USP4: variants seen among roughly 807,000 people sequenced by gnomAD.
The protein encoded by USP4 is ubiquitin carboxyl-terminal hydrolase 4.
A neutral mutation model predicts 118.2 loss-of-function variants in USP4; 72 were observed. The observed-to-expected ratio is 0.61, with a 90% CI of 0.50 to 0.74. The LOEUF is 0.74. Ranked by LOEUF, USP4 falls within the 30% of genes least tolerant of loss-of-function variation. The pLI is 0.00. For synonymous variants in USP4, 415 were observed against 440.4 expected (o/e 0.94, Z 0.72); for missense variants, 1,037 against 1,185.7 (o/e 0.87, Z 1.84).
intron 13 of USP4, among the ~76,000 whole-genome samples, chr3:49,296,565 C>G (rs1309943395): frequency 6.6e-6 from 1 of 152,128 alleles, no homozygotes; most frequent in Non-Finnish European, 1.5e-5. Context: ...AGAAAAATGG[C>G]ATGAACCCGG....
intron 6 of USP4, among the ~76,000 whole-genome samples, chr3:49,314,447 C>G (rs1252699614): frequency 6.6e-6 from 1 of 152,164 alleles, no homozygotes. Context: ...TCACCACAGC[C>G]AAGGGTACTC....
intron 2 of USP4, 94 bp downstream of exon 2, chr3:49,335,375 C>T (rs1025029910): frequency 9.0e-6 from 14 of 1,551,518 alleles, no homozygotes; most frequent in Middle Eastern, 1.7e-4. Flanking sequence ...TCTCCTCACA[C>T]TAGGAAAGTT....
Position 49,302,486 on chromosome 3 carries a change from C to T in USP4, c.1185G>A (p.Gln395=). The change falls in exon 10 of 22, where the codon CAG becomes CAA. Residue 395 remains glutamine, a synonymous_variant. Transcript: ENST00000265560. Reference sequence around the variant, plus strand: ...CATCTAGAAGAAAGGCCAGCAGCTCCTGAGAATCTTGTTGCTGGTAGCCAG... The same window carrying T: ...CATCTAGAAGAAAGGCCAGCAGCTCTTGAGAATCTTGTTGCTGGTAGCCAG... ...QFSGYQQQDS[Q]ELLAFLLDGL... is the part of the protein sequence containing the mutation. 6.2e-7 allele frequency: 1 copy of T among 1,614,164 alleles called. No individual in the cohort carries two copies. Among genetic ancestry groups the T allele is most frequent in the Non-Finnish European group, 8.5e-7 (1 of 1,180,022 alleles).
intron 10 of USP4, among the ~76,000 whole-genome samples, 191 bp downstream of exon 10, chr3:49,302,189 TAAAA>T (rs200559085): frequency 8.1e-6 from 1 of 123,986 alleles, no homozygotes; most frequent in African/African-American, 3.0e-5. Flanking sequence ...TGTCTCTATT[TAAAA>T]AAAAAAAAAA....
intron 19 of USP4, among the ~76,000 whole-genome samples, chr3:49,281,491 T>TATATATATACAC (rs1242949530): frequency 1.6e-5 from 2 of 126,540 alleles, no homozygotes; most frequent in African/African-American, 6.5e-5. Context: ...TATATATATA[T>TATATATATACAC]ACACACACAC....
At chr3:49,278,966 G>C (rs2046989678) in intron 20 of USP4, 64 bp from the exon 21 acceptor site, 2 of 1,114,086 alleles carry the variant, frequency 1.8e-6, no homozygotes, top group Non-Finnish European at 1.3e-6. Flanking sequence ...TAGCTTATTA[G>C]GCTTGCACTA....
intron 18 of USP4, 142 bp downstream of exon 18, chr3:49,284,324 C>T (rs2047071328): frequency 9.6e-7 from 1 of 1,038,208 alleles, no homozygotes; most frequent in Non-Finnish European, 1.4e-6. Flanking sequence ...AACCTCAACT[C>T]ACAGAGGATT....
At chr3:49,335,234 G>C (rs2047656804) in intron 2 of USP4, among the ~76,000 whole-genome samples, 2 of 152,182 alleles carry the variant, frequency 1.3e-5, no homozygotes, top group Non-Finnish European at 2.9e-5. Context: ...TTTGCAAAGA[G>C]AGAAAGTTAA....
chr3:49,317,026 G>A, intron 6 of USP4: 1 of 870,370 alleles, frequency 1.1e-6, no homozygotes, highest in Admixed American at 2.0e-5. Context: ...TCTGTGGACA[G>A]ACTTGCTGGG....
chr3:49,278,777 C>T (rs1280588663), intron 21 of USP4, 37 bp downstream of exon 21: 11 of 1,453,768 alleles, frequency 7.6e-6, no homozygotes, highest in African/African-American at 7.1e-5. Flanking sequence ...TAATCCATAA[C>T]GACATGAGGA....
rs1372479293 is a variant in USP4 at position 49,327,795 on chromosome 3, T to G, written c.251A>C (p.Lys84Thr). The part of the protein sequence containing the change: ...LFSDPESQTL[K>T]EHLIDELDYV... ...GTCCAATTCATCAATTAAGTGTTCTTTCAAGGTCTGACTCTCAGGATCTAA... is the reference window on the plus strand; with the variant it reads ...GTCCAATTCATCAATTAAGTGTTCTGTCAAGGTCTGACTCTCAGGATCTAA... Residue 84 changes from lysine to threonine, a missense_variant, in exon 3 of 22, where the codon AAA (lysine) becomes ACA (threonine). Physicochemically the swap from Lys to Thr is moderately conservative, Grantham distance 78. Around this residue, in one of 3 missense-constraint regions of USP4, gnomAD observed 487 missense variants for 534.1 expected, o/e 0.91. Transcript: ENST00000265560. 1 of 1,613,920 alleles carries G rather than the reference T, an allele frequency of 6.2e-7. No individual in the cohort carries two copies. Among genetic ancestry groups the G allele is most frequent in the East Asian group, 2.2e-5 (1 of 44,876 alleles).
chr3:49,339,934 C>T lies in USP4; in HGVS notation c.91G>A (p.Gly31Arg). The change falls in exon 1 of 22, where the codon GGG becomes AGG. Residue 31 changes from glycine (G) to arginine (R), a missense_variant. Physicochemically the swap from Gly to Arg is moderately radical, Grantham distance 125. Around this residue, in one of 3 missense-constraint regions of USP4, gnomAD observed 487 missense variants for 534.1 expected, o/e 0.91. Transcript: ENST00000265560. ...GAGCCGGGAGCTCACCACTGCGCCCCGCGTTGGAGTGTGGTCCTCATTAAG... is the reference window on the plus strand; with the variant it reads ...GAGCCGGGAGCTCACCACTGCGCCCTGCGTTGGAGTGTGGTCCTCATTAAG... ...GPLMRTTLQR[G>R]AQWYLIDSRW... The T allele has an allele frequency of 6.2e-7, 1 of 1,612,842 alleles. No homozygotes were observed. Among genetic ancestry groups the T allele is most frequent in the Non-Finnish European group, 8.5e-7 (1 of 1,179,636 alleles).
In USP4 at chr3:49,298,605, C is replaced by T. The variant is rs774796613; in HGVS notation, c.1543G>A (p.Val515Met). Reference sequence around the variant, plus strand: ...GAGAGAGCCTCGCACAGGTCGGACACAGCCCCCATCAGCGGCACAGTCACA... The same window carrying T: ...GAGAGAGCCTCGCACAGGTCGGACATAGCCCCCATCAGCGGCACAGTCACA... ...YRVTVPLMGAVSDLCEALSRL... is the reference protein window; with the variant it reads ...YRVTVPLMGAMSDLCEALSRL... The change falls in exon 12 of 22, where the codon GTG becomes ATG. Residue 515 changes from valine to methionine, a missense_variant. Val to Met is a conservative substitution (Grantham distance 21). Transcript: ENST00000265560. The T allele has an allele frequency of 2.3e-5, 37 of 1,614,024 alleles. No individual in the cohort carries two copies. In the Admixed American group the frequency reaches 5.8e-4, roughly 25 times the overall value.
At chr3:49,335,362 C>A (rs1345592659) in intron 2 of USP4, 107 bp downstream of exon 2, 1 of 1,453,470 alleles carries the variant, frequency 6.9e-7, no homozygotes. Flanking sequence ...ATACTTGTTT[C>A]TATCTCCTCA....
Position 49,286,291 on chromosome 3 carries a change from T to G in USP4, c.2007A>C (p.Glu669Asp), listed in dbSNP as rs752639565. Residue 669 changes from glutamate (E) to aspartate (D), a missense_variant, in exon 16 of 22, where the codon GAA (glutamate) becomes GAC (aspartate). Transcript: ENST00000265560. ...CTGTTTCTGAAAGCTGCTCTTTGCC[T>G]TCTTCCTGATGCTCCATTTCTTCCT... is the stretch of plus-strand genomic sequence containing the variant. The part of the protein sequence containing the change: ...EDEEEMEHQE[E>D]GKEQLSETEG... 1.2e-6 allele frequency: 2 copies of G among 1,614,172 alleles called. No individual in the cohort carries two copies. Among genetic ancestry groups the G allele is most frequent in the East Asian group, 2.2e-5 (1 of 44,882 alleles).
chr3:49,282,893 A>G (rs2047050131), intron 19 of USP4, among the ~76,000 whole-genome samples: 1 of 149,934 alleles, frequency 6.7e-6, no homozygotes, highest in Non-Finnish European at 1.5e-5. Flanking sequence ...GTTTTACTGG[A>G]GACAGGATTT....
In USP4 at chr3:49,335,600, G is replaced by A; in HGVS notation, c.102-4C>T. 3 of 1,613,440 alleles carry A rather than the reference G, an allele frequency of 1.9e-6. No homozygotes were observed. The highest frequency in any genetic ancestry group is 1.7e-6 in the Non-Finnish European group (2 of 1,179,838). On this transcript the variant is annotated splice_polypyrimidine_tract_variant and splice_region_variant and intron_variant, in intron 1 of 21. Transcript: ENST00000265560. The stretch of plus-strand genomic sequence containing the variant: ...CCACCGGCTGTCAATAAGATACCTA[G>A]AGAGAGACAGAAATTTACTGTAGCA...
intron 8 of USP4, among the ~76,000 whole-genome samples, chr3:49,307,011 C>A (rs992346754): frequency 1.3e-5 from 2 of 151,526 alleles, no homozygotes; most frequent in African/African-American, 2.4e-5. Context: ...CTGGAACTCC[C>A]GACCTCAGGT....
chr3:49,311,450 T>G (rs2047381757), intron 7 of USP4, 64 bp downstream of exon 7: 2 of 1,574,814 alleles, frequency 1.3e-6, no homozygotes, highest in Admixed American at 1.7e-5. Flanking sequence ...GCAGATGAGC[T>G]CTCAAGATAC....
Sources: allele counts gnomAD v4.1 joint callset (sites outside exome capture counted in the v4.1 genomes callset), GRCh38; gene constraint gnomAD v4.1.1; regional missense constraint gnomAD v4.1.1; transcripts MANE v1.5; gene names NCBI Gene and HGNC (gene_info 2026-07-23, HGNC 2026-07-21).